The following TMEM132D variants were observed in gnomAD, a reference collection of about 807,000 sequenced individuals.
TMEM132D encodes the protein mature OL transmembrane protein.
TMEM132D carries 21 observed loss-of-function variants against 62.3 expected under a neutral mutation model. The observed-to-expected ratio is 0.34, with a 90% CI of 0.24 to 0.49. The LOEUF (loss-of-function observed/expected upper bound fraction) is 0.49, where lower values mean the gene tolerates loss of function less well. Ranked by LOEUF, TMEM132D falls within the 20% of genes least tolerant of loss-of-function variation. TMEM132D has a pLI of 0.99. For synonymous variants in TMEM132D, 621 were observed against 575.6 expected (o/e 1.08, Z -1.13); for missense variants, 1,346 against 1,402.8 (o/e 0.96, Z 0.65).
At chr12:129,312,106 T>C (rs993689160) in intron 4 of TMEM132D, among the ~76,000 whole-genome samples, 2 of 152,212 alleles carry the variant, frequency 1.3e-5, no homozygotes, top group East Asian at 1.9e-4. Context: ...GGAGACTTTT[T>C]AGACAGTGCA....
chr12:129,358,966 T>C (rs1176522632), intron 3 of TMEM132D, among the ~76,000 whole-genome samples: 3 of 152,258 alleles, frequency 2.0e-5, no homozygotes, highest in African/African-American at 2.4e-5. Context: ...CTTTTTTTTT[T>C]TTTAAATGTC....
chr12:129,163,224 T>C (rs1466567635), intron 5 of TMEM132D, among the ~76,000 whole-genome samples: 3 of 152,230 alleles, frequency 2.0e-5, no homozygotes, highest in Non-Finnish European at 4.4e-5. Context: ...TGTCTCAAAA[T>C]TGATGAAGCG....
At chr12:129,795,445 T>A (rs1798641858) in intron 1 of TMEM132D, among the ~76,000 whole-genome samples, 1 of 152,198 alleles carries the variant, frequency 6.6e-6, no homozygotes, top group South Asian at 2.1e-4. Context: ...ATTTAAAAAA[T>A]TTAATGTTGA....
chr12:129,829,892 G>A (rs114171938), intron 1 of TMEM132D, among the ~76,000 whole-genome samples: 3 of 152,164 alleles, frequency 2.0e-5, no homozygotes, highest in African/African-American at 7.2e-5. Context: ...ATCCTGGACT[G>A]CTGCAACCAA....
At chr12:129,514,902 A>G (rs1216323272) in intron 3 of TMEM132D, among the ~76,000 whole-genome samples, 1 of 152,192 alleles carries the variant, frequency 6.6e-6, no homozygotes, top group Non-Finnish European at 1.5e-5. Flanking sequence ...AATATACTCC[A>G]TGATTAGTGA....
rs2135658177 is a variant in TMEM132D, at chr12:129,337,735, T to G, written c.1198A>C (p.Thr400Pro). 1 of 1,614,240 alleles carries G rather than the reference T, an allele frequency of 6.2e-7. No homozygotes were observed. Reference sequence around the variant, plus strand: ...TCTCCGGGGTACTCGACCTGCCACGTGACCAGCTGTGTGGCTGGCAGGTCA... The same window carrying G: ...TCTCCGGGGTACTCGACCTGCCACGGGACCAGCTGTGTGGCTGGCAGGTCA... ...PGDLPATQLV[T>P]WQVEYPGEIT... is the part of the protein sequence containing the mutation. The change falls in exon 4 of 9, where the codon ACG becomes CCG. Residue 400 changes from threonine (T) to proline (P), a missense_variant. Thr to Pro is a conservative substitution (Grantham distance 38, BLOSUM62 -1). Transcript: ENST00000422113.
At chr12:129,738,768 A>G (rs1869507934) in intron 1 of TMEM132D, among the ~76,000 whole-genome samples, 3 of 152,346 alleles carry the variant, frequency 2.0e-5, no homozygotes, top group South Asian at 2.1e-4. Flanking sequence ...CGGTAGCACC[A>G]GAGATGTTAA....
At chr12:129,113,786 C>G (rs1438672527) in intron 5 of TMEM132D, among the ~76,000 whole-genome samples, 1 of 151,724 alleles carries the variant, frequency 6.6e-6, no homozygotes, top group African/African-American at 2.4e-5. Context: ...TGGGTGGTCT[C>G]TGTAGAAGGA....
chr12:129,368,578 T>C (rs1462036190), intron 3 of TMEM132D, among the ~76,000 whole-genome samples: 1 of 152,144 alleles, frequency 6.6e-6, no homozygotes, highest in Admixed American at 6.5e-5. Flanking sequence ...GAACTGTTAC[T>C]TATTATTATT....
At chr12:129,556,025 T>C (rs1391288961) in intron 2 of TMEM132D, among the ~76,000 whole-genome samples, 5 of 152,210 alleles carry the variant, frequency 3.3e-5, no homozygotes, top group Non-Finnish European at 7.3e-5. Flanking sequence ...CTTATGGTTT[T>C]TCCATGAAAA....
intron 2 of TMEM132D, among the ~76,000 whole-genome samples, chr12:129,573,257 G>A (rs894947314): frequency 4.6e-5 from 7 of 152,296 alleles, no homozygotes; most frequent in South Asian, 2.1e-4. Context: ...AGCAGAGGGC[G>A]CTGGAGAGGA....
At chr12:129,889,146 G>A (rs76141763) in intron 1 of TMEM132D, among the ~76,000 whole-genome samples, 287 of 152,304 alleles carry the variant, frequency 1.9e-3, no homozygotes, top group African/African-American at 6.5e-3. Flanking sequence ...TTCTAGGTCC[G>A]TAGAGCCTCA....
At chr12:129,712,359 C>T (rs1275684548) in intron 1 of TMEM132D, among the ~76,000 whole-genome samples, 6 of 152,102 alleles carry the variant, frequency 3.9e-5, no homozygotes, top group African/African-American at 1.4e-4. Context: ...CTCCTGAGCT[C>T]GTGATCTGCC....
At chr12:129,290,988 T>G (rs948266319) in intron 4 of TMEM132D, among the ~76,000 whole-genome samples, 7 of 152,174 alleles carry the variant, frequency 4.6e-5, no homozygotes, top group Non-Finnish European at 1.0e-4. Flanking sequence ...CCATAAAGTA[T>G]AGTGTCGAAG....
chr12:129,874,592 T>TAAAA (rs34854402), intron 1 of TMEM132D, among the ~76,000 whole-genome samples: 1 of 130,298 alleles, frequency 7.7e-6, no homozygotes, highest in East Asian at 2.1e-4. Context: ...AAAGCTAGGT[T>TAAAA]AAAAAAAAAA....
intron 3 of TMEM132D, among the ~76,000 whole-genome samples, chr12:129,380,784 C>G (rs1480554351): frequency 6.6e-6 from 1 of 152,078 alleles, no homozygotes; most frequent in African/African-American, 2.4e-5. Flanking sequence ...AAACTCCACC[C>G]CATTTCAAAA....
chr12:129,704,898 G>A (rs887075753), intron 1 of TMEM132D, among the ~76,000 whole-genome samples: 3 of 151,530 alleles, frequency 2.0e-5, no homozygotes, highest in Non-Finnish European at 4.4e-5. Flanking sequence ...AAATGACTTC[G>A]GAGCTCACAA....
At chr12:129,733,789 G>A (rs1869330495) in intron 1 of TMEM132D, among the ~76,000 whole-genome samples, 1 of 152,142 alleles carries the variant, frequency 6.6e-6, no homozygotes, top group Admixed American at 6.5e-5. Flanking sequence ...CACAGTCGCT[G>A]GGCAGGTGAT....
intron 1 of TMEM132D, among the ~76,000 whole-genome samples, chr12:129,819,230 C>CCT (rs1565997073): frequency 2.0e-5 from 3 of 151,924 alleles, no homozygotes; most frequent in Non-Finnish European, 4.4e-5. Context: ...TCTACCTACC[C>CCT]CACAGTGCCA....
Sources: gnomAD v4.1 joint callset for allele counts (sites outside exome capture counted in the v4.1 genomes callset) on GRCh38, gnomAD v4.1.1 for gene constraint, MANE v1.5 for transcripts, NCBI Gene and HGNC (gene_info 2026-07-23, HGNC 2026-07-21) for gene names.